The following EDAR variants were observed in gnomAD, a reference collection of about 807,000 sequenced individuals.
EDAR encodes tumor necrosis factor receptor superfamily member EDAR.
In EDAR, 38 loss-of-function variants were observed where a neutral mutation model predicts 51.3. The ratio of observed to expected loss-of-function variants is 0.74; its 90% confidence interval spans 0.57 to 0.97. The LOEUF (loss-of-function observed/expected upper bound fraction) is 0.97, where lower values mean the gene tolerates loss of function less well. Among genes scored for constraint, EDAR ranks in the 50% least tolerant of loss-of-function variants. The probability of loss-of-function intolerance (pLI) is 0.00; values close to 1 mark genes in which losing one functional copy is unlikely to be tolerated. For missense variants in EDAR, 528 were observed against 595.0 expected (o/e 0.89, Z 1.17); for synonymous variants, 227 against 242.1 (o/e 0.94, Z 0.58).
intron 1 of EDAR, among the ~76,000 whole-genome samples, chr2:108,935,947 G>T (rs1325165185): frequency 6.6e-6 from 1 of 152,200 alleles, no homozygotes; most frequent in Admixed American, 6.5e-5. Context: ...TGGTGGTGTG[G>T]CTTTGACTGT....
intron 1 of EDAR, among the ~76,000 whole-genome samples, chr2:108,972,349 A>C (rs192500922): frequency 6.6e-6 from 1 of 152,238 alleles, no homozygotes; most frequent in Non-Finnish European, 1.5e-5. Flanking sequence ...ATGATGACCA[A>C]ATCAAAACAG....
In EDAR at chr2:108,929,275, A is replaced by C. The variant is rs765272928; in HGVS notation, c.279T>G (p.Cys93Trp). The change falls in exon 4 of 12, where the codon TGT (cysteine) becomes TGG (tryptophan). Residue 93 changes from cysteine to tryptophan, a missense_variant. By Grantham distance (215) the Cys-to-Trp change is radical. Coordinates refer to ENST00000258443, the MANE Select transcript of EDAR (RefSeq NM_022336.4). Reference sequence around the variant, plus strand: ...GCACGGTGGCCCGGAAGAAGCCCTCACAGTCTTTGTGACGCCTGCATATCT... The same window carrying C: ...GCACGGTGGCCCGGAAGAAGCCCTCCCAGTCTTTGTGACGCCTGCATATCT... ...GYQICRRHKD[C>W]EGFFRATVLT... 1.2e-6 allele frequency: 2 copies of C among 1,614,184 alleles called. No homozygotes were observed. The highest frequency in any genetic ancestry group is 2.2e-5 in the South Asian group (2 of 91,086).
In EDAR at chr2:108,920,526, C is replaced by T. The variant is rs141360181; in HGVS notation, c.442+2842G>A. Among the ~76,000 whole-genome samples, 1,200 of 152,248 alleles carry T rather than the reference C, an allele frequency of 7.9e-3. 22 individuals carry two copies. The highest frequency in any genetic ancestry group is 0.026 in the African/African-American group (1,087 of 41,536). On this transcript the variant is annotated intron_variant, in intron 5 of 11. Transcript: ENST00000258443. The stretch of plus-strand genomic sequence containing the variant: ...GAAAAATAACCGAAGGCCTTTTCAT[C>T]TCTTTTCACCGGGCTACAGGGCTCC...
At chr2:108,909,641 GGCTGGGAGCTGAT>G (rs1286536074) in intron 9 of EDAR, among the ~76,000 whole-genome samples, 1 of 152,226 alleles carries the variant, frequency 6.6e-6, no homozygotes, top group African/African-American at 2.4e-5. Flanking sequence ...CACATTGCCT[GGCTGGGAGCTGAT>G]GCTGTGGGGT....
intron 4 of EDAR, 151 bp downstream of exon 4, chr2:108,929,047 C>T: frequency 1.1e-6 from 1 of 901,546 alleles, no homozygotes; most frequent in Non-Finnish European, 1.8e-6. Flanking sequence ...GTCCTGGATG[C>T]TGCTCCTTGT....
chr2:108,976,383 G>A (rs1698322792), intron 1 of EDAR, among the ~76,000 whole-genome samples: 1 of 152,200 alleles, frequency 6.6e-6, no homozygotes, highest in Non-Finnish European at 1.5e-5. Flanking sequence ...CACATGAAGG[G>A]TCCATGCTAC....
In EDAR at chr2:108,929,363, G is replaced by A. The variant is rs763158616; in HGVS notation, c.191C>T (p.Thr64Ile). ...EEPYLSCGYGTKDEDYGCVPC... is the reference protein window; with the variant it reads ...EEPYLSCGYGIKDEDYGCVPC... ...GACGCAGCCGTAGTCCTCGTCTTTG[G>A]TGCCGTAGCCACAGGACTGTCCAGG... Residue 64 changes from threonine to isoleucine, a missense_variant, in exon 4 of 12, where the codon ACC becomes ATC. By Grantham distance (89) the Thr-to-Ile change is moderately conservative. Transcript: ENST00000258443. 6.2e-7 allele frequency: 1 copy of A among 1,614,088 alleles called. No individual in the cohort carries two copies. The highest frequency in any genetic ancestry group is 8.5e-7 in the Non-Finnish European group (1 of 1,180,022).
chr2:108,987,231 C>G (rs1210941145), intron 1 of EDAR, among the ~76,000 whole-genome samples: 3 of 152,232 alleles, frequency 2.0e-5, no homozygotes, highest in Non-Finnish European at 4.4e-5. Flanking sequence ...AACCACAAAA[C>G]GCACTCACTT....
At chr2:108,908,083 C>T in intron 9 of EDAR, 64 bp from the exon 10 acceptor site, 1 of 1,521,066 alleles carries the variant, frequency 6.6e-7, no homozygotes, top group Non-Finnish European at 8.9e-7. Context: ...GACAAGTTCT[C>T]CTGTGGTGAA....
At chr2:108,980,239 A>C in intron 1 of EDAR, among the ~76,000 whole-genome samples, 1 of 151,964 alleles carries the variant, frequency 6.6e-6, no homozygotes, top group East Asian at 1.9e-4. Context: ...TATTTGCTTC[A>C]CTGATTCCGG....
chr2:108,974,695 A>C (rs1698292797), intron 1 of EDAR, among the ~76,000 whole-genome samples: 1 of 151,974 alleles, frequency 6.6e-6, no homozygotes, highest in Non-Finnish European at 1.5e-5. Context: ...GCGCCACTGC[A>C]CTCCACCCTG....
intron 9 of EDAR, among the ~76,000 whole-genome samples, chr2:108,910,083 C>T (rs1377827712): frequency 1.3e-5 from 2 of 152,216 alleles, no homozygotes; most frequent in African/African-American, 4.8e-5. Flanking sequence ...ATTACGGTGG[C>T]AGCAGTACTG....
intron 5 of EDAR, among the ~76,000 whole-genome samples, chr2:108,917,811 C>G (rs1394118033): frequency 6.6e-6 from 1 of 152,096 alleles, no homozygotes; most frequent in Non-Finnish European, 1.5e-5. Context: ...CCCAAAGTGC[C>G]AACCTTGGGC....
At chr2:108,985,001 G>A (rs1025096090) in intron 1 of EDAR, among the ~76,000 whole-genome samples, 11 of 152,184 alleles carry the variant, frequency 7.2e-5, no homozygotes, top group Admixed American at 3.3e-4. Context: ...TCTGAGAGTC[G>A]TCAAAACAGT....
intron 1 of EDAR, among the ~76,000 whole-genome samples, chr2:108,980,098 G>A (rs929114529): frequency 6.6e-6 from 1 of 150,582 alleles, no homozygotes; most frequent in African/African-American, 2.4e-5. Context: ...AATGGTGTGG[G>A]GTGGGGTGGG....
intron 1 of EDAR, among the ~76,000 whole-genome samples, chr2:108,981,009 C>G (rs1698410464): frequency 6.6e-6 from 1 of 152,160 alleles, no homozygotes; most frequent in African/African-American, 2.4e-5. Flanking sequence ...AGAGGTTGAG[C>G]TGACCCGTTA....
In EDAR at chr2:108,960,030, C is replaced by T. The variant is rs377270208; in HGVS notation, c.-19+28930G>A. Among the ~76,000 whole-genome samples the T allele has an allele frequency of 3.9e-5, 6 of 152,284 alleles. No homozygotes were observed. In the East Asian group the frequency reaches 5.8e-4, roughly 15 times the overall value. On this transcript the variant is annotated intron_variant, in intron 1 of 11. Transcript: ENST00000258443. The stretch of plus-strand genomic sequence containing the variant: ...ATGTCATGATGCACTAACGTGGCCA[C>T]GGTGGCTCTGAGAAAGCAGTGCCCT...
chr2:108,953,155 G>A (rs1018991438), intron 1 of EDAR, among the ~76,000 whole-genome samples: 1 of 152,166 alleles, frequency 6.6e-6, no homozygotes, highest in African/African-American at 2.4e-5. Flanking sequence ...TGTGCTCTTG[G>A]AGTCTCTATT....
rs1696920814 is a variant in EDAR at position 108,911,033 on chromosome 2, A to G, written c.569T>C (p.Ile190Thr). The change falls in exon 7 of 12, where the codon ATT becomes ACT. Residue 190 changes from isoleucine to threonine, a missense_variant. Ile to Thr is a moderately conservative substitution (Grantham distance 89). Transcript: ENST00000258443. ...GQGHLATALI[I>T]AMSTIFIMAI... ...CATGATGAAGATGGTGGACATTGCAATGATCAGGGCAGTGGCCAGGTGTCC... is the reference window on the plus strand; with the variant it reads ...CATGATGAAGATGGTGGACATTGCAGTGATCAGGGCAGTGGCCAGGTGTCC... The G allele has an allele frequency of 6.2e-7, 1 of 1,614,080 alleles. No individual in the cohort carries two copies. Among genetic ancestry groups the G allele is most frequent in the Non-Finnish European group, 8.5e-7 (1 of 1,180,044 alleles).
Sources: allele counts gnomAD v4.1 joint callset (sites outside exome capture counted in the v4.1 genomes callset), GRCh38; gene constraint gnomAD v4.1.1; transcripts MANE v1.5; gene names NCBI Gene and HGNC (gene_info 2026-07-23, HGNC 2026-07-21).